Variants in GPD1L observed in about 807,000 individuals in gnomAD.
GPD1L encodes glycerol-3-phosphate dehydrogenase 1-like protein.
Under a neutral mutation model 32.9 loss-of-function variants are expected in GPD1L, and 17 were observed. The ratio of observed to expected loss-of-function variants is 0.52; its 90% CI spans 0.35 to 0.78. GPD1L has a LOEUF of 0.78. GPD1L is among the 30% of genes least tolerant of loss of function. The probability of loss-of-function intolerance (pLI) is 0.01; values close to 1 mark genes in which losing one functional copy is unlikely to be tolerated. For synonymous variants in GPD1L, 187 were observed against 165.9 expected (o/e 1.13, Z -0.98); for missense variants, 361 against 447.8 (o/e 0.81, Z 1.75).
intron 4 of GPD1L, among the ~76,000 whole-genome samples, chr3:32,144,961 C>T (rs1159732260): frequency 6.6e-6 from 1 of 151,378 alleles, no homozygotes; most frequent in East Asian, 2.0e-4. Context: ...ACCTGAGCCT[C>T]CCAAAGTGCT....
intron 7 of GPD1L, among the ~76,000 whole-genome samples, chr3:32,163,511 CCTTTCACCTCTAACTTTATTTAGAGAGT>C (rs1378250049): frequency 1.3e-5 from 2 of 152,226 alleles, no homozygotes; most frequent in East Asian, 3.9e-4. Flanking sequence ...TCTTTTTCTT[CCTTTCACCTCTAACTTTATTTAGAGAGT>C]CTTCCAAACT....
chr3:32,164,606 G>A (rs964969964), intron 7 of GPD1L, among the ~76,000 whole-genome samples: 1 of 152,018 alleles, frequency 6.6e-6, no homozygotes, highest in Non-Finnish European at 1.5e-5. Context: ...GGGCAAACAG[G>A]GTCAGAAGGA....
At chr3:32,120,572 A>G (rs1387378570) in intron 1 of GPD1L, among the ~76,000 whole-genome samples, 3 of 152,178 alleles carry the variant, frequency 2.0e-5, no homozygotes, top group East Asian at 1.9e-4. Flanking sequence ...GACTGACGCT[A>G]TCTGGTGCGA....
At chr3:32,109,236 CAT>C (rs1382402917) in intron 1 of GPD1L, among the ~76,000 whole-genome samples, 1 of 152,234 alleles carries the variant, frequency 6.6e-6, no homozygotes, top group Non-Finnish European at 1.5e-5. Flanking sequence ...CCATTTAGCA[CAT>C]GTTTTTTTAA....
At chr3:32,107,799 G>C (rs1041334692) in intron 1 of GPD1L, among the ~76,000 whole-genome samples, 1 of 152,208 alleles carries the variant, frequency 6.6e-6, no homozygotes, top group African/African-American at 2.4e-5. Flanking sequence ...AGCAAGGCCA[G>C]TGGCCTCTCT....
chr3:32,108,855 A>G (rs1049408208), intron 1 of GPD1L, among the ~76,000 whole-genome samples: 8 of 151,448 alleles, frequency 5.3e-5, no homozygotes, highest in African/African-American at 1.9e-4. Flanking sequence ...GTTTTTTTTT[A>G]TTACTATTTT....
chr3:32,133,122 G>C (rs898066049), intron 2 of GPD1L, among the ~76,000 whole-genome samples: 7 of 152,210 alleles, frequency 4.6e-5, no homozygotes, highest in Non-Finnish European at 8.8e-5. Context: ...GAGTTGCCAT[G>C]GTGTCCGGTT....
chr3:32,132,305 G>A (rs949950689), intron 2 of GPD1L, among the ~76,000 whole-genome samples: 1 of 152,172 alleles, frequency 6.6e-6, no homozygotes, highest in African/African-American at 2.4e-5. Flanking sequence ...ATAGTGCCTG[G>A]CATTATTTGT....
At chr3:32,156,576 C>T (rs1158357236) in intron 5 of GPD1L, among the ~76,000 whole-genome samples, 1 of 152,126 alleles carries the variant, frequency 6.6e-6, no homozygotes, top group Non-Finnish European at 1.5e-5. Flanking sequence ...TTCTGTGGGT[C>T]TGTGGGGAGT....
chr3:32,109,233 G>A (rs1429819180), intron 1 of GPD1L, among the ~76,000 whole-genome samples: 1 of 152,194 alleles, frequency 6.6e-6, no homozygotes, highest in African/African-American at 2.4e-5. Context: ...CACCCATTTA[G>A]CACATGTTTT....
At chr3:32,143,666 G>A (rs1327805790) in intron 4 of GPD1L, among the ~76,000 whole-genome samples, 1 of 151,992 alleles carries the variant, frequency 6.6e-6, no homozygotes. Flanking sequence ...AACATAATGA[G>A]ATCCCATCTC....
intron 5 of GPD1L, among the ~76,000 whole-genome samples, chr3:32,147,622 G>A (rs926183402): frequency 6.6e-6 from 1 of 152,128 alleles, no homozygotes; most frequent in Admixed American, 6.5e-5. Flanking sequence ...AAAGAGTGGG[G>A]GGAATAGGGG....
intron 1 of GPD1L, among the ~76,000 whole-genome samples, chr3:32,122,005 G>A (rs1292785967): frequency 6.6e-6 from 1 of 151,920 alleles, no homozygotes; most frequent in Admixed American, 6.6e-5. Context: ...TCCTGACCTC[G>A]TGATCTGCCC....
At chr3:32,139,852 A>G (rs961053041) in intron 3 of GPD1L, among the ~76,000 whole-genome samples, 19 of 152,198 alleles carry the variant, frequency 1.2e-4, no homozygotes, top group African/African-American at 4.1e-4. Flanking sequence ...TTGAAACCCC[A>G]GGGATAATGA....
chr3:32,148,281 G>A (rs1700861485), intron 5 of GPD1L, among the ~76,000 whole-genome samples: 1 of 152,188 alleles, frequency 6.6e-6, no homozygotes, highest in Non-Finnish European at 1.5e-5. Flanking sequence ...CTAGATTGAG[G>A]TGAGGGCTTT....
At chr3:32,127,726 G>A (rs998680679) in intron 1 of GPD1L, among the ~76,000 whole-genome samples, 3 of 152,146 alleles carry the variant, frequency 2.0e-5, no homozygotes, top group African/African-American at 7.2e-5. Context: ...CTTACCACAG[G>A]TACATCTCAA....
chr3:32,113,536 G>A (rs770257824), intron 1 of GPD1L, among the ~76,000 whole-genome samples: 3 of 152,104 alleles, frequency 2.0e-5, no homozygotes, highest in Non-Finnish European at 4.4e-5. Flanking sequence ...CCCCAACTGG[G>A]TGATGTCAGG....
chr3:32,165,218 A>G (rs1701128555), intron 7 of GPD1L, among the ~76,000 whole-genome samples: 1 of 152,214 alleles, frequency 6.6e-6, no homozygotes, highest in Non-Finnish European at 1.5e-5. Flanking sequence ...AAGAAAAGAA[A>G]AAAGAAAAAA....
chr3:32,118,705 T>C (rs1352532731), intron 1 of GPD1L, among the ~76,000 whole-genome samples: 2 of 152,198 alleles, frequency 1.3e-5, no homozygotes, highest in East Asian at 1.9e-4. Flanking sequence ...TTGAAAAGAA[T>C]TAGATCTCCA....
Sources: allele counts gnomAD v4.1 joint callset (sites outside exome capture counted in the v4.1 genomes callset), GRCh38; gene constraint gnomAD v4.1.1; transcripts MANE v1.5; gene names NCBI Gene and HGNC (gene_info 2026-07-23, HGNC 2026-07-21).